The following TTLL5 variants were observed in gnomAD, a reference collection of about 807,000 sequenced individuals.
The protein encoded by TTLL5 is tubulin polyglutamylase TTLL5.
TTLL5 carries 132 observed loss-of-function variants against 168.4 expected under a neutral mutation model. That is an observed-to-expected ratio of 0.78 (90% CI 0.68 to 0.91). The LOEUF is 0.91. Ranked by LOEUF, TTLL5 falls within the 40% of genes least tolerant of loss-of-function variation. The pLI is 0.00. For missense variants in TTLL5, 1,545 were observed against 1,581.5 expected (o/e 0.98, Z 0.39); for synonymous variants, 546 against 558.6 (o/e 0.98, Z 0.32).
At chr14:75,671,172 C>T (rs1301767975) in intron 3 of TTLL5, among the ~76,000 whole-genome samples, 4 of 152,174 alleles carry the variant, frequency 2.6e-5, no homozygotes, top group African/African-American at 7.2e-5. Flanking sequence ...TTCTTTTCCC[C>T]ACTGGATGGT....
In TTLL5 at chr14:75,689,786, A is replaced by T. The variant is rs554981400; in HGVS notation, c.372-406A>T. 8 of 179,508 alleles carry T rather than the reference A, an allele frequency of 4.5e-5. No homozygotes were observed. In the South Asian group the frequency reaches 9.3e-4, roughly 21 times the overall value. 11.1% of individuals were successfully genotyped at this position (179,508 alleles called of 1,614,324 possible). On this transcript the variant is annotated intron_variant, in intron 5 of 31. Transcript: ENST00000298832. Reference sequence around the variant, plus strand: ...TTGACTTTCTGGAAAAGGCAAAATTATAAGGACAGAAAACAAATGAATGTT... The same window carrying T: ...TTGACTTTCTGGAAAAGGCAAAATTTTAAGGACAGAAAACAAATGAATGTT...
intron 31 of TTLL5, among the ~76,000 whole-genome samples, chr14:75,908,735 C>T (rs2033247338): frequency 1.3e-5 from 2 of 152,040 alleles, no homozygotes; most frequent in South Asian, 4.1e-4. Context: ...GTCTGTTCAT[C>T]AGAGGGCTAA....
intron 31 of TTLL5, among the ~76,000 whole-genome samples, chr14:75,948,483 C>T (rs1330209371): frequency 1.3e-5 from 2 of 149,862 alleles, no homozygotes; most frequent in Admixed American, 6.6e-5. Context: ...GAAACCCTAT[C>T]TTAAAAAAAA....
chr14:75,825,665 G>GT (rs1566620345), intron 28 of TTLL5, among the ~76,000 whole-genome samples: 1 of 152,118 alleles, frequency 6.6e-6, no homozygotes, highest in South Asian at 2.1e-4. Context: ...ACTACTTTTT[G>GT]TGGGGGGGAC....
intron 28 of TTLL5, among the ~76,000 whole-genome samples, chr14:75,844,592 G>A (rs1896444755): frequency 6.6e-6 from 1 of 152,096 alleles, no homozygotes; most frequent in Non-Finnish European, 1.5e-5. Flanking sequence ...GTGTAAGATG[G>A]GATAATACCT....
chr14:75,860,209 C>A (rs776314984), intron 28 of TTLL5, among the ~76,000 whole-genome samples: 1 of 152,200 alleles, frequency 6.6e-6, no homozygotes, highest in Non-Finnish European at 1.5e-5. Flanking sequence ...TGCCCACTGT[C>A]CTACCCTTTA....
At position 75,813,194 on chromosome 14, in the gene TTLL5, CTGTG is replaced by C. The variant is rs61154954; in HGVS notation, c.3172-6785_3172-6782del. On this transcript the variant is annotated intron_variant, in intron 27 of 31. Transcript: ENST00000298832. ...TGCTTAGCATGTTGCCTGGAACAAG[CTGTG>C]TGTGTGTGTGTGTGTGTGTGTGTGT... 2.0e-3 allele frequency among the ~76,000 whole-genome samples: 278 copies of C among 142,514 alleles called. 4 individuals are homozygous for C. Among genetic ancestry groups the C allele is most frequent in the African/African-American group, 6.6e-3 (253 of 38,172 alleles). The allele number at this position is 142,514 out of a possible 152,430, so 93.5% of individuals were successfully genotyped here.
At chr14:75,850,588 T>C (rs575532266) in intron 28 of TTLL5, among the ~76,000 whole-genome samples, 47 of 152,110 alleles carry the variant, frequency 3.1e-4, no homozygotes, top group African/African-American at 1.0e-3. Flanking sequence ...CTTAGGTAGG[T>C]AGAAGACACG....
intron 24 of TTLL5, among the ~76,000 whole-genome samples, chr14:75,781,150 C>T (rs974125903): frequency 1.3e-5 from 2 of 151,908 alleles, no homozygotes; most frequent in Non-Finnish European, 2.9e-5. Context: ...GTAACTTCTC[C>T]CCTGGCAGTA....
At chr14:75,844,976 T>C (rs1041424505) in intron 28 of TTLL5, among the ~76,000 whole-genome samples, 5 of 152,234 alleles carry the variant, frequency 3.3e-5, no homozygotes, top group Admixed American at 3.3e-4. Flanking sequence ...TTTAGCCACA[T>C]TGGCTTTCCT....
chr14:75,914,109 A>G (rs1440272931), intron 31 of TTLL5, among the ~76,000 whole-genome samples: 2 of 116,730 alleles, frequency 1.7e-5, no homozygotes, highest in Admixed American at 9.1e-5. Context: ...TTTTGTTTTT[A>G]TTTGTGTTTT....
At chr14:75,896,229 C>CTGTG (rs59064445) in intron 30 of TTLL5, among the ~76,000 whole-genome samples, 8,687 of 151,398 alleles carry the variant, frequency 0.057, 488 homozygotes, top group East Asian at 0.32. Context: ...CAGCGTATAC[C>CTGTG]TGTGTGTGTG....
chr14:75,683,599 T>TGAA lies in TTLL5; in HGVS notation c.316_318dup (p.Lys106dup). The TGAA allele has an allele frequency of 6.2e-7, 1 of 1,614,028 alleles. No homozygotes were observed. Among genetic ancestry groups the TGAA allele is most frequent in the Non-Finnish European group, 8.5e-7 (1 of 1,179,924 alleles). On this transcript the variant is annotated inframe_insertion, in exon 5 of 32. Coordinates refer to ENST00000298832, the MANE Select transcript of TTLL5 (RefSeq NM_015072.5). ...AACCTAATGTGGACAGGATCCCACCTGAAGCCCTTCTTACTGCGCACCCTC... is the reference window on the plus strand; with the variant it reads ...AACCTAATGTGGACAGGATCCCACCTGAAGAAGCCCTTCTTACTGCGCACCCTC...
In TTLL5 at chr14:75,745,102, G is replaced by C. The variant is rs757963244; in HGVS notation, c.1289G>C (p.Arg430Pro). 6.2e-7 allele frequency: 1 copy of C among 1,613,632 alleles called. No individual in the cohort carries two copies. Among genetic ancestry groups the C allele is most frequent in the Non-Finnish European group, 8.5e-7 (1 of 1,179,788 alleles). Reference protein sequence around the residue: ...RNPFQKPQRCRPLSASDAEMK... With the variant: ...RNPFQKPQRCPPLSASDAEMK... ...TCATTTTCTTCTCCTTAGCGTTGCC[G>C]TCCACTCTCTGCCAGTGATGCGGAA... The change falls in exon 16 of 32, where the codon CGT (arginine) becomes CCT (proline). Residue 430 changes from arginine to proline, a missense_variant. Coordinates refer to ENST00000298832, the MANE Select transcript of TTLL5 (RefSeq NM_015072.5).
intron 28 of TTLL5, among the ~76,000 whole-genome samples, chr14:75,848,738 A>G (rs998419430): frequency 1.3e-5 from 2 of 152,196 alleles, no homozygotes; most frequent in Admixed American, 6.5e-5. Context: ...CCAGACTCCT[A>G]ATAGATAAAG....
chr14:75,751,361 C>A (rs1889942073), intron 17 of TTLL5, among the ~76,000 whole-genome samples: 1 of 152,164 alleles, frequency 6.6e-6, no homozygotes, highest in African/African-American at 2.4e-5. Context: ...CTTTACAGTT[C>A]TCTTTGGCAT....
At chr14:75,836,463 T>C (rs1294310861) in intron 28 of TTLL5, among the ~76,000 whole-genome samples, 1 of 151,878 alleles carries the variant, frequency 6.6e-6, no homozygotes. Context: ...AAAAATAGAA[T>C]GAGTAAGACC....
chr14:75,689,746 T>G (rs1340231621), intron 5 of TTLL5: 1 of 191,844 alleles, frequency 5.2e-6, no homozygotes, highest in Non-Finnish European at 1.1e-5. Context: ...ATACACACTG[T>G]CTGATTCCAC....
intron 31 of TTLL5, among the ~76,000 whole-genome samples, chr14:75,914,033 A>ATATATATATATATATATATAT (rs1555356334): frequency 2.8e-5 from 2 of 71,102 alleles, no homozygotes; most frequent in African/African-American, 3.1e-4. Flanking sequence ...AAAAAAAAAA[A>ATATATATATATATATATATAT]ATATATATAT....
Sources: gnomAD v4.1 joint callset for allele counts (sites outside exome capture counted in the v4.1 genomes callset) on GRCh38, gnomAD v4.1.1 for gene constraint, MANE v1.5 for transcripts, NCBI Gene and HGNC (gene_info 2026-07-23, HGNC 2026-07-21) for gene names.